SPIRE1: variants seen among roughly 807,000 people sequenced by gnomAD.
SPIRE1 encodes spire type actin nucleation factor 1.
Under a neutral mutation model 94.1 loss-of-function variants are expected in SPIRE1, and 40 were observed. The observed-to-expected ratio is 0.43, with a 90% confidence interval of 0.33 to 0.55. SPIRE1 has a LOEUF of 0.55. SPIRE1 is among the 20% of genes least tolerant of loss of function. SPIRE1 has a pLI of 0.06. For synonymous variants in SPIRE1, 376 were observed against 371.7 expected, an observed-to-expected ratio of 1.01 and a Z score of -0.13; for missense variants, 838 against 975.2, an observed-to-expected ratio of 0.86 and a Z score of 1.87.
intron 2 of SPIRE1, among the ~76,000 whole-genome samples, chr18:12,605,413 G>A (rs1037328644): frequency 6.6e-6 from 1 of 152,194 alleles, no homozygotes; most frequent in Non-Finnish European, 1.5e-5. Flanking sequence ...GGCTGAGGCA[G>A]GGGAATCGCT....
intron 3 of SPIRE1, among the ~76,000 whole-genome samples, chr18:12,536,230 G>A (rs924156199): frequency 6.6e-6 from 1 of 152,144 alleles, no homozygotes; most frequent in Admixed American, 6.5e-5. Context: ...TACTGATGAC[G>A]GATCCAGTTT....
chr18:12,502,495 ACATTACC>A (rs2033697311), intron 6 of SPIRE1, among the ~76,000 whole-genome samples: 2 of 152,196 alleles, frequency 1.3e-5, no homozygotes, highest in Admixed American at 6.5e-5. Flanking sequence ...GAGAAAGATA[ACATTACC>A]CAGTATTGGC....
chr18:12,504,493 G>A (rs964787900), intron 6 of SPIRE1, among the ~76,000 whole-genome samples: 1 of 152,204 alleles, frequency 6.6e-6, no homozygotes, highest in Admixed American at 6.5e-5. Context: ...GGCAAAAAGA[G>A]TGAGACTCTG....
chr18:12,619,528 CAAAT>C (rs2037403869), intron 2 of SPIRE1, among the ~76,000 whole-genome samples: 1 of 151,170 alleles, frequency 6.6e-6, no homozygotes, highest in Non-Finnish European at 1.5e-5. Flanking sequence ...TTTAAATAAA[CAAAT>C]AAAAATAAAA....
chr18:12,519,351 C>T lies in SPIRE1; in HGVS notation c.730-6820G>A, dbSNP rs189802178. Among the ~76,000 whole-genome samples the T allele has an allele frequency of 7.8e-3, 1,188 of 152,210 alleles. 6 individuals are homozygous for T. Among genetic ancestry groups the T allele is most frequent in the Admixed American group, 0.014 (208 of 15,286 alleles). ...GTACCTATACACACATGTGCACACA[C>T]GCACGCACACACACACACGCAAACA... On this transcript the variant is annotated intron_variant, in intron 4 of 16. Transcript: ENST00000409402.
At chr18:12,655,286 G>A (rs758208895) in intron 1 of SPIRE1, among the ~76,000 whole-genome samples, 3 of 150,982 alleles carry the variant, frequency 2.0e-5, no homozygotes, top group Non-Finnish European at 4.4e-5. Flanking sequence ...GAAATAAAGC[G>A]AAAGAAAGAA....
At chr18:12,575,130 A>G (rs2036060023) in intron 2 of SPIRE1, among the ~76,000 whole-genome samples, 1 of 152,154 alleles carries the variant, frequency 6.6e-6, no homozygotes, top group Non-Finnish European at 1.5e-5. Context: ...AGTTTTAAGC[A>G]TGTTTTGAAT....
chr18:12,615,732 T>C (rs2037289079), intron 2 of SPIRE1, among the ~76,000 whole-genome samples: 2 of 152,068 alleles, frequency 1.3e-5, no homozygotes, highest in African/African-American at 4.8e-5. Context: ...TAATGCCAAA[T>C]AAATCAATTG....
At chr18:12,607,616 C>T (rs1008120861) in intron 2 of SPIRE1, among the ~76,000 whole-genome samples, 9 of 151,718 alleles carry the variant, frequency 5.9e-5, no homozygotes, top group African/African-American at 1.9e-4. Context: ...CACACACACA[C>T]ACACACACAC....
intron 6 of SPIRE1, among the ~76,000 whole-genome samples, chr18:12,503,378 T>C (rs1386898307): frequency 6.6e-6 from 1 of 152,206 alleles, no homozygotes; most frequent in Non-Finnish European, 1.5e-5. Context: ...GTGCCTCCAT[T>C]TCCCCTGACT....
intron 3 of SPIRE1, among the ~76,000 whole-genome samples, chr18:12,545,898 G>A (rs970325603): frequency 1.4e-4 from 21 of 152,106 alleles, no homozygotes; most frequent in Admixed American, 9.8e-4. Context: ...ATCTAAAAGC[G>A]GTTTCTTGAG....
intron 1 of SPIRE1, among the ~76,000 whole-genome samples, chr18:12,638,646 C>A (rs982378677): frequency 6.6e-6 from 1 of 152,100 alleles, no homozygotes; most frequent in African/African-American, 2.4e-5. Flanking sequence ...ACCCAAATCT[C>A]CTGTTCAATT....
intron 8 of SPIRE1, among the ~76,000 whole-genome samples, chr18:12,486,305 G>A (rs903158648): frequency 2.0e-4 from 30 of 152,254 alleles, no homozygotes; most frequent in African/African-American, 6.7e-4. Context: ...AGAATAAGAT[G>A]TTTGACTTAA....
intron 2 of SPIRE1, among the ~76,000 whole-genome samples, chr18:12,565,031 G>A (rs2035782403): frequency 6.6e-6 from 1 of 152,104 alleles, no homozygotes; most frequent in Admixed American, 6.5e-5. Context: ...TAATGACCAA[G>A]AATTTCCTTC....
intron 2 of SPIRE1, among the ~76,000 whole-genome samples, chr18:12,622,504 G>A (rs993370600): frequency 7.0e-6 from 1 of 143,158 alleles, no homozygotes; most frequent in Non-Finnish European, 1.5e-5. Flanking sequence ...CTCACTGCAA[G>A]CTCCGCCTCC....
At chr18:12,509,438 T>TA (rs1357145347) in intron 5 of SPIRE1, among the ~76,000 whole-genome samples, 2 of 152,214 alleles carry the variant, frequency 1.3e-5, no homozygotes, top group Non-Finnish European at 2.9e-5. Context: ...AAAACCAATT[T>TA]AAAATTTATT....
chr18:12,522,499 T>C (rs1227923932), intron 4 of SPIRE1, among the ~76,000 whole-genome samples: 14 of 152,368 alleles, frequency 9.2e-5, no homozygotes, highest in Non-Finnish European at 2.9e-5. Flanking sequence ...ATCAAGAAGA[T>C]GTAGCTAACT....
intron 8 of SPIRE1, among the ~76,000 whole-genome samples, chr18:12,487,817 C>T (rs77800505): frequency 0.013 from 1,909 of 152,184 alleles, 83 homozygotes; most frequent in East Asian, 0.1. Flanking sequence ...ATATAAATGG[C>T]GTAAAGCTCA....
At chr18:12,565,243 A>G (rs1270164454) in intron 2 of SPIRE1, among the ~76,000 whole-genome samples, 1 of 152,256 alleles carries the variant, frequency 6.6e-6, no homozygotes, top group Non-Finnish European at 1.5e-5. Flanking sequence ...TTCACATCTC[A>G]GAAACCATGC....
Sources: gnomAD v4.1 joint callset for allele counts (sites outside exome capture counted in the v4.1 genomes callset) on GRCh38, gnomAD v4.1.1 for gene constraint, MANE v1.5 for transcripts, NCBI Gene and HGNC (gene_info 2026-07-23, HGNC 2026-07-21) for gene names.